The following DLG2 variants were observed in gnomAD, a reference collection of about 807,000 sequenced individuals.
DLG2 encodes disks large homolog 2.
DLG2 carries 45 observed loss-of-function variants against 132.5 expected under a neutral mutation model. The observed-to-expected ratio is 0.34, with a 90% CI of 0.27 to 0.44. The LOEUF (loss-of-function observed/expected upper bound fraction) is 0.44. DLG2 is among the 20% of genes least tolerant of loss of function. The pLI, the probability that DLG2 is intolerant of heterozygous loss-of-function variation, is 1.00. For missense variants in DLG2, 1,045 were observed against 1,196.9 expected (o/e 0.87, Z 1.87); for synonymous variants, 424 against 419.6 (o/e 1.01, Z -0.13).
chr11:83,897,853 A>C (rs1408841893), intron 15 of DLG2, among the ~76,000 whole-genome samples: 2 of 152,178 alleles, frequency 1.3e-5, no homozygotes, highest in African/African-American at 4.8e-5. Context: ...ACTATGTTGA[A>C]TGTGTTTTGT....
At chr11:84,664,799 A>C (rs1170132477) in intron 6 of DLG2, among the ~76,000 whole-genome samples, 7 of 152,134 alleles carry the variant, frequency 4.6e-5, no homozygotes, top group Non-Finnish European at 1.0e-4. Flanking sequence ...AAATAATATG[A>C]AGATGCTGAT....
chr11:84,872,496 G>C (rs767291315), intron 6 of DLG2, among the ~76,000 whole-genome samples: 6 of 152,208 alleles, frequency 3.9e-5, no homozygotes, highest in Non-Finnish European at 7.3e-5. Context: ...ATACAACACT[G>C]TGGAATGCTA....
At chr11:85,587,500 CTGATA>C (rs758032915) in intron 3 of DLG2, among the ~76,000 whole-genome samples, 1 of 152,042 alleles carries the variant, frequency 6.6e-6, no homozygotes, top group Non-Finnish European at 1.5e-5. Context: ...TCTGTTTTGT[CTGATA>C]TAAGAATAGC....
chr11:84,963,799 C>A (rs770268953), intron 6 of DLG2, among the ~76,000 whole-genome samples: 30 of 152,154 alleles, frequency 2.0e-4, no homozygotes, highest in Non-Finnish European at 3.8e-4. Flanking sequence ...GTTGCTTACT[C>A]TGCAGGTAAC....
chr11:84,714,107 T>C (rs1053073846), intron 6 of DLG2, among the ~76,000 whole-genome samples: 8 of 152,032 alleles, frequency 5.3e-5, no homozygotes, highest in African/African-American at 1.9e-4. Context: ...ACAAAAAGTA[T>C]TTTCTAAAGT....
chr11:85,205,569 A>C (rs1004906809), intron 4 of DLG2, among the ~76,000 whole-genome samples: 4 of 152,186 alleles, frequency 2.6e-5, no homozygotes, highest in African/African-American at 9.7e-5. Flanking sequence ...AAAACAGATA[A>C]ATGTTTGGGG....
At chr11:84,999,714 G>A (rs541994632) in intron 6 of DLG2, among the ~76,000 whole-genome samples, 36 of 152,116 alleles carry the variant, frequency 2.4e-4, no homozygotes, top group African/African-American at 8.2e-4. Flanking sequence ...TGAAATGTTC[G>A]CATCATCAAA....
intron 19 of DLG2, among the ~76,000 whole-genome samples, chr11:83,621,187 T>C (rs2061583859): frequency 2.0e-5 from 3 of 152,192 alleles, no homozygotes; most frequent in Non-Finnish European, 4.4e-5. Context: ...ATATATATTA[T>C]AATTTGCCTT....
At chr11:84,906,937 T>G (rs1214828969) in intron 6 of DLG2, among the ~76,000 whole-genome samples, 1 of 152,220 alleles carries the variant, frequency 6.6e-6, no homozygotes, top group Non-Finnish European at 1.5e-5. Context: ...TAATCAATTT[T>G]CTGGGGAAAT....
At chr11:84,884,641 G>T (rs944208856) in intron 6 of DLG2, among the ~76,000 whole-genome samples, 3 of 151,924 alleles carry the variant, frequency 2.0e-5, no homozygotes, top group African/African-American at 7.2e-5. Context: ...TTGTAAGGTG[G>T]ACAGTGATGT....
At chr11:85,089,254 T>C (rs140836103) in intron 6 of DLG2, among the ~76,000 whole-genome samples, 43 of 152,222 alleles carry the variant, frequency 2.8e-4, no homozygotes, top group African/African-American at 8.4e-4. Flanking sequence ...CAGTACTCAA[T>C]AGGTAGTTTT....
chr11:83,496,170 G>A (rs2094138094), intron 21 of DLG2, among the ~76,000 whole-genome samples: 1 of 148,748 alleles, frequency 6.7e-6, no homozygotes, highest in Non-Finnish European at 1.5e-5. Flanking sequence ...AGACTTGACT[G>A]GATATTTAAC....
chr11:84,956,758 T>C (rs1337146193), intron 6 of DLG2, among the ~76,000 whole-genome samples: 1 of 152,124 alleles, frequency 6.6e-6, no homozygotes, highest in Admixed American at 6.6e-5. Context: ...GATTAAAAAA[T>C]GAGGGTTAGA....
chr11:85,565,195 G>A (rs947250923), intron 3 of DLG2, among the ~76,000 whole-genome samples: 1 of 151,898 alleles, frequency 6.6e-6, no homozygotes, highest in African/African-American at 2.4e-5. Context: ...TTTACAATAT[G>A]TATGTTTTTT....
intron 3 of DLG2, among the ~76,000 whole-genome samples, chr11:85,380,140 T>C (rs938803801): frequency 6.7e-6 from 1 of 149,470 alleles, no homozygotes; most frequent in Non-Finnish European, 1.5e-5. Context: ...CTACTGAACC[T>C]AGCTGTGCTA....
intron 14 of DLG2, among the ~76,000 whole-genome samples, chr11:83,952,878 T>C (rs1358264311): frequency 6.6e-6 from 1 of 151,582 alleles, no homozygotes; most frequent in Non-Finnish European, 1.5e-5. Context: ...ATTACTTTTA[T>C]AATCAGAGAA....
chr11:84,666,799 TAA>T (rs545200431), intron 6 of DLG2, among the ~76,000 whole-genome samples: 16 of 152,014 alleles, frequency 1.1e-4, no homozygotes, highest in Admixed American at 2.0e-4. Flanking sequence ...GCTGAAGAAA[TAA>T]AGCTTAGAAA....
chr11:84,662,991 A>G (rs2099696179), intron 6 of DLG2, among the ~76,000 whole-genome samples: 1 of 151,962 alleles, frequency 6.6e-6, no homozygotes, highest in South Asian at 2.1e-4. Context: ...GTTACAGGGT[A>G]ACATCACCCT....
intron 7 of DLG2, among the ~76,000 whole-genome samples, chr11:84,378,936 CTCCATCTCAAA>C (rs2098739864): frequency 6.6e-6 from 1 of 151,706 alleles, no homozygotes; most frequent in South Asian, 2.1e-4. Context: ...CAGAGGAAGA[CTCCATCTCAAA>C]AACATCTCAA....
Sources: gnomAD v4.1 joint callset for allele counts (sites outside exome capture counted in the v4.1 genomes callset) on GRCh38, gnomAD v4.1.1 for gene constraint, MANE v1.5 for transcripts, NCBI Gene and HGNC (gene_info 2026-07-23, HGNC 2026-07-21) for gene names.